Variants in RASAL2 observed in about 807,000 individuals in gnomAD.
The protein encoded by RASAL2 is ras GTPase-activating protein nGAP.
RASAL2 carries 58 observed loss-of-function variants against 128.9 expected under a neutral mutation model. The observed-to-expected ratio is 0.45, with a 90% CI of 0.36 to 0.56. RASAL2 has a LOEUF of 0.56. Ranked by LOEUF, RASAL2 falls within the 20% of genes least tolerant of loss-of-function variation. The pLI, the probability that RASAL2 is intolerant of heterozygous loss-of-function variation, is 0.00. For synonymous variants in RASAL2, 561 were observed against 580.8 expected, an observed-to-expected ratio of 0.97 and a Z score of 0.49; for missense variants, 1,360 against 1,601.6, an observed-to-expected ratio of 0.85 and a Z score of 2.57.
chr1:178,240,377 A>G (rs548665008), intron 1 of RASAL2, among the ~76,000 whole-genome samples: 1 of 152,070 alleles, frequency 6.6e-6, no homozygotes, highest in Admixed American at 6.5e-5. Flanking sequence ...TGTAAACCCT[A>G]TCACTTCAGA....
At chr1:178,412,837 A>C (rs1401544570) in intron 4 of RASAL2, among the ~76,000 whole-genome samples, 1 of 152,074 alleles carries the variant, frequency 6.6e-6, no homozygotes, top group Non-Finnish European at 1.5e-5. Context: ...ATTTTTAAAA[A>C]TTTTACCTCC....
chr1:178,313,776 T>C (rs1215953983), intron 3 of RASAL2, among the ~76,000 whole-genome samples: 2 of 152,216 alleles, frequency 1.3e-5, no homozygotes, highest in Non-Finnish European at 2.9e-5. Flanking sequence ...CTAAGTCTTT[T>C]CTCATTCTAT....
At chr1:178,134,457 CAAAAAAA>C (rs59410623) in intron 1 of RASAL2, among the ~76,000 whole-genome samples, 15 of 111,536 alleles carry the variant, frequency 1.3e-4, no homozygotes, top group African/African-American at 2.3e-4. Flanking sequence ...GACCCTATCT[CAAAAAAA>C]AAAAAAAAAA....
intron 1 of RASAL2, among the ~76,000 whole-genome samples, chr1:178,154,452 G>A (rs1661015710): frequency 6.6e-6 from 1 of 151,988 alleles, no homozygotes; most frequent in South Asian, 2.1e-4. Context: ...CCTAGCCTAT[G>A]ATTAATTTTT....
In RASAL2 at chr1:178,229,256, G is replaced by A. The variant is rs570264083; in HGVS notation, c.203-54308G>A. 3.1e-4 allele frequency among the ~76,000 whole-genome samples: 47 copies of A among 152,136 alleles called. No homozygotes were observed. The South Asian group carries it at 6.2e-3, about 20-fold the overall frequency. On this transcript the variant is annotated intron_variant, in intron 1 of 17. Coordinates refer to ENST00000367649, the MANE Select transcript of RASAL2 (RefSeq NM_170692.4). ...TTAAAATGAAAATTTTAATATTTTT[G>A]TAATTAGATAATGGCCTAACCCATA...
Position 178,439,572 on chromosome 1 carries a change from T to C in RASAL2, c.825T>C (p.Phe275=). Residue 275 remains phenylalanine, a synonymous_variant, in exon 6 of 18, where the codon TTT becomes TTC. Transcript: ENST00000367649. The part of the protein sequence containing the change: ...HSSILGQDFC[F]EVTYLSGSKC... ...GCATCCTTGGACAAGACTTCTGCTT[T>C]GAGGTAAAAATAAAGTGTAGAAAAA... The C allele has an allele frequency of 6.2e-7, 1 of 1,607,178 alleles. No individual in the cohort carries two copies. Among genetic ancestry groups the C allele is most frequent in the Non-Finnish European group, 8.5e-7 (1 of 1,177,706 alleles).
intron 1 of RASAL2, among the ~76,000 whole-genome samples, chr1:178,280,919 C>A (rs751248205): frequency 2.6e-5 from 4 of 151,942 alleles, no homozygotes; most frequent in Non-Finnish European, 4.4e-5. Context: ...CTGAGCTTGT[C>A]CTGGTAACGT....
At chr1:178,141,193 C>CTTTTTTTTTTTTTTTTT (rs71297900) in intron 1 of RASAL2, among the ~76,000 whole-genome samples, 167 of 73,904 alleles carry the variant, frequency 2.3e-3, no homozygotes, top group Non-Finnish European at 2.6e-3. Context: ...CTTTTCTTTT[C>CTTTTTTTTTTTTTTTTT]TTTTTTTTTT....
chr1:178,116,537 T>G (rs1316320650), intron 1 of RASAL2, among the ~76,000 whole-genome samples: 1 of 152,226 alleles, frequency 6.6e-6, no homozygotes, highest in Non-Finnish European at 1.5e-5. Context: ...CATTACTTTT[T>G]TTTTTTAAAG....
Position 178,371,988 on chromosome 1 carries a change from A to C in RASAL2, c.458-18112A>C, listed in dbSNP as rs551756574. Among the ~76,000 whole-genome samples the C allele has an allele frequency of 1.6e-4, 25 of 152,228 alleles. No homozygotes were observed. The South Asian group carries it at 5.0e-3, about 30-fold the overall frequency. On this transcript the variant is annotated intron_variant, in intron 3 of 17. Transcript: ENST00000367649. ...AAGCATAACACCAAGAGACAGAAGG[A>C]CAAATCTCCCTTCTCTTCTCTTATA...
intron 4 of RASAL2, among the ~76,000 whole-genome samples, chr1:178,410,226 A>G (rs1026005060): frequency 6.6e-6 from 1 of 152,170 alleles, no homozygotes; most frequent in Non-Finnish European, 1.5e-5. Flanking sequence ...GGAGGAAATC[A>G]GAGAAAAAAA....
intron 3 of RASAL2, among the ~76,000 whole-genome samples, chr1:178,348,839 G>T (rs1183859170): frequency 1.4e-5 from 2 of 146,408 alleles, no homozygotes; most frequent in African/African-American, 5.1e-5. Context: ...TCTCGCTCTC[G>T]CCCAGGCTGG....
At chr1:178,287,878 A>G (rs1667103113) in intron 2 of RASAL2, among the ~76,000 whole-genome samples, 2 of 152,194 alleles carry the variant, frequency 1.3e-5, no homozygotes, top group Non-Finnish European at 2.9e-5. Context: ...ATTGGGTACC[A>G]TGCACACTGC....
intron 4 of RASAL2, among the ~76,000 whole-genome samples, chr1:178,408,271 A>T (rs1484052429): frequency 6.6e-6 from 1 of 152,184 alleles, no homozygotes; most frequent in Non-Finnish European, 1.5e-5. Context: ...AAATCAGTTT[A>T]TTTACATTCT....
At chr1:178,241,502 G>A (rs936711940) in intron 1 of RASAL2, among the ~76,000 whole-genome samples, 1 of 152,156 alleles carries the variant, frequency 6.6e-6, no homozygotes, top group African/African-American at 2.4e-5. Flanking sequence ...GGCAGCTGTG[G>A]ATTTGGAAAT....
At chr1:178,095,078 G>T (rs1208710232) in intron 1 of RASAL2, among the ~76,000 whole-genome samples, 3 of 152,126 alleles carry the variant, frequency 2.0e-5, no homozygotes, top group Non-Finnish European at 4.4e-5. Flanking sequence ...AGGCAAGACT[G>T]GAAACCAAGA....
At chr1:178,220,301 A>G (rs1449909851) in intron 1 of RASAL2, among the ~76,000 whole-genome samples, 6 of 152,174 alleles carry the variant, frequency 3.9e-5, no homozygotes, top group African/African-American at 7.2e-5. Context: ...GTCTCAGCAA[A>G]TAGGGAGGCC....
chr1:178,467,074 G>A (rs944540370), intron 16 of RASAL2, among the ~76,000 whole-genome samples: 2 of 152,176 alleles, frequency 1.3e-5, no homozygotes, highest in African/African-American at 4.8e-5. Flanking sequence ...GAAATAAGTT[G>A]TGCTCAGGAA....
rs1648806858 is a variant in RASAL2 at position 178,478,185 on chromosome 1, T to C, written c.*4946T>C. ...TTTTAGTTTGAGACTTAAAACCAGATTTATTTGTTGTTGTAGAGAGATTTC... is the reference window on the plus strand; with the variant it reads ...TTTTAGTTTGAGACTTAAAACCAGACTTATTTGTTGTTGTAGAGAGATTTC... On this transcript the variant is annotated 3_prime_UTR_variant, in exon 18 of 18. Coordinates refer to ENST00000367649, the MANE Select transcript of RASAL2 (RefSeq NM_170692.4). The C allele has an allele frequency of 6.6e-6, 1 of 152,114 alleles. No homozygotes were observed. The allele number at this position is 152,114 out of a possible 1,614,324, so 9.4% of individuals were successfully genotyped here. A position where few individuals can be genotyped will look rare whatever the true frequency, so the allele number is the denominator to read the frequency against.
Sources: gnomAD v4.1 joint callset for allele counts (sites outside exome capture counted in the v4.1 genomes callset) on GRCh38, gnomAD v4.1.1 for gene constraint, MANE v1.5 for transcripts, NCBI Gene and HGNC (gene_info 2026-07-23, HGNC 2026-07-21) for gene names.